RNF150: variants seen among roughly 807,000 people sequenced by gnomAD.
RNF150 encodes the protein ring finger protein 150.
Under a neutral mutation model 39.3 loss-of-function variants are expected in RNF150, and 24 were observed. That is an observed-to-expected ratio of 0.61 (90% confidence interval 0.44 to 0.86). The LOEUF (loss-of-function observed/expected upper bound fraction) is 0.86, where lower values mean the gene tolerates loss of function less well. Ranked by LOEUF, RNF150 falls within the 40% of genes least tolerant of loss-of-function variation. The pLI, the probability that RNF150 is intolerant of heterozygous loss-of-function variation, is 0.00. For missense variants in RNF150, 502 were observed against 587.8 expected (o/e 0.85, Z 1.51); for synonymous variants, 255 against 227.3 (o/e 1.12, Z -1.10).
chr4:141,062,109 G>A (rs1472422057), intron 1 of RNF150, among the ~76,000 whole-genome samples: 2 of 152,032 alleles, frequency 1.3e-5, no homozygotes, highest in East Asian at 3.8e-4. Context: ...TCATACTACA[G>A]CAGAGAAATA....
intron 1 of RNF150, among the ~76,000 whole-genome samples, chr4:141,189,474 C>T (rs746030812): frequency 6.6e-6 from 1 of 152,184 alleles, no homozygotes; most frequent in East Asian, 1.9e-4. Flanking sequence ...CAGGAATGTT[C>T]AAGTCTACTG....
intron 1 of RNF150, among the ~76,000 whole-genome samples, chr4:141,150,584 G>C (rs1243622741): frequency 2.0e-5 from 3 of 152,164 alleles, no homozygotes; most frequent in Admixed American, 6.5e-5. Context: ...ATCTCTCTTA[G>C]AGTAAAAGCC....
rs1728435048 is a variant in RNF150, at chr4:140,860,306, A to G, written c.*7955T>C. On this transcript the variant is annotated 3_prime_UTR_variant, in exon 7 of 7. Transcript: ENST00000515673. Reference sequence around the variant, plus strand: ...TCAATATGCACACAACTTTGTACAGAAGATTAGTTTTGGGTAAAAACGCTA... The same window carrying G: ...TCAATATGCACACAACTTTGTACAGGAGATTAGTTTTGGGTAAAAACGCTA... 6.6e-6 allele frequency: 1 copy of G among 152,222 alleles called. No homozygotes were observed. Among genetic ancestry groups the G allele is most frequent in the Non-Finnish European group, 1.5e-5 (1 of 68,042 alleles). 9.4% of individuals were successfully genotyped at this position (152,222 alleles called of 1,614,324 possible). A position where few individuals can be genotyped will look rare whatever the true frequency, so the allele number is the denominator to read the frequency against.
rs181727009 is a variant in RNF150, at chr4:141,108,547, T to A, written c.484+23778A>T. On this transcript the variant is annotated intron_variant, in intron 1 of 6. Transcript: ENST00000515673. ...ATTTCATTACTTCTAAGATGATTTT[T>A]AAAAAAAACATTTTAACATCTCTGA... 2.3e-3 allele frequency among the ~76,000 whole-genome samples: 355 copies of A among 152,108 alleles called. 7 individuals carry two copies. Among genetic ancestry groups the A allele is most frequent in the Admixed American group, 0.021 (323 of 15,244 alleles).
At chr4:141,174,066 A>G (rs1316863141) in intron 1 of RNF150, among the ~76,000 whole-genome samples, 3 of 152,216 alleles carry the variant, frequency 2.0e-5, no homozygotes, top group Non-Finnish European at 2.9e-5. Flanking sequence ...AGTTGACTTC[A>G]GTAGTCATTT....
At chr4:140,973,051 TTA>T (rs1055641736) in intron 1 of RNF150, among the ~76,000 whole-genome samples, 4 of 152,114 alleles carry the variant, frequency 2.6e-5, no homozygotes, top group Non-Finnish European at 5.9e-5. Flanking sequence ...GACAAGATAA[TTA>T]TGTTATTAAA....
At chr4:140,960,957 C>G (rs1448919128) in intron 2 of RNF150, among the ~76,000 whole-genome samples, 3 of 152,104 alleles carry the variant, frequency 2.0e-5, no homozygotes, top group Non-Finnish European at 4.4e-5. Context: ...ACGGGGCTGG[C>G]TTTACATGTG....
intron 1 of RNF150, among the ~76,000 whole-genome samples, chr4:141,154,618 C>A (rs1727353212): frequency 6.6e-6 from 1 of 152,282 alleles, no homozygotes; most frequent in African/African-American, 2.4e-5. Context: ...ATAGAATATG[C>A]CCCTGTGCAA....
At chr4:140,958,588 G>C (rs991728108) in intron 2 of RNF150, among the ~76,000 whole-genome samples, 3 of 152,054 alleles carry the variant, frequency 2.0e-5, no homozygotes, top group South Asian at 4.1e-4. Flanking sequence ...TGTAATTCTA[G>C]GATCAGGCAA....
chr4:140,931,833 A>G (rs1006715181), intron 4 of RNF150, among the ~76,000 whole-genome samples: 9 of 152,266 alleles, frequency 5.9e-5, no homozygotes, highest in African/African-American at 1.9e-4. Flanking sequence ...ATGATGAATA[A>G]TAAGTTCTCA....
chr4:140,981,625 AC>A (rs1733862950), intron 1 of RNF150, among the ~76,000 whole-genome samples: 1 of 152,214 alleles, frequency 6.6e-6, no homozygotes, highest in African/African-American at 2.4e-5. Flanking sequence ...GTTTGGGGTA[AC>A]TAAGCAGCAC....
chr4:140,926,198 TC>T, intron 4 of RNF150, 125 bp from the exon 5 acceptor site: 1 of 665,424 alleles, frequency 1.5e-6, no homozygotes, highest in Non-Finnish European at 2.7e-6. Context: ...CAAACCTCCA[TC>T]CCTAACTTGT....
chr4:140,987,053 C>A (rs1043332432), intron 1 of RNF150, among the ~76,000 whole-genome samples: 7 of 151,858 alleles, frequency 4.6e-5, no homozygotes, highest in Admixed American at 1.3e-4. Flanking sequence ...TCTAAGGATA[C>A]ATCTGATAAA....
chr4:141,097,366 A>C (rs1274409060), intron 1 of RNF150, among the ~76,000 whole-genome samples: 2 of 152,212 alleles, frequency 1.3e-5, no homozygotes, highest in Admixed American at 1.3e-4. Context: ...AACTTTGCTT[A>C]TATTTTCTTC....
rs571262764 is a variant in RNF150 at position 141,176,273 on chromosome 4, C to T, written c.-6+36521G>A. ...TATGGTATCATCTAATTCTAATTCC[C>T]TTCCAAAGGCCCAACCTCTTACTAC... On this transcript the variant is annotated intron_variant, in intron 1 of 7. Transcript: ENST00000420921. Among the ~76,000 whole-genome samples, 19 of 152,236 alleles carry T rather than the reference C, an allele frequency of 1.2e-4. No homozygotes were observed. In the East Asian group the frequency reaches 3.7e-3, roughly 29 times the overall value.
intron 5 of RNF150, among the ~76,000 whole-genome samples, chr4:140,915,654 C>T (rs1395021121): frequency 6.6e-6 from 1 of 152,164 alleles, no homozygotes; most frequent in Non-Finnish European, 1.5e-5. Flanking sequence ...AAATCTTCAG[C>T]AAATCCGCTT....
intron 1 of RNF150, among the ~76,000 whole-genome samples, chr4:141,044,060 T>C (rs1736468400): frequency 6.6e-6 from 1 of 152,212 alleles, no homozygotes; most frequent in African/African-American, 2.4e-5. Context: ...TCTATCAAAA[T>C]GTCCTTTTCT....
chr4:140,878,561 G>C (rs1399104334), intron 6 of RNF150, among the ~76,000 whole-genome samples: 1 of 152,052 alleles, frequency 6.6e-6, no homozygotes, highest in Non-Finnish European at 1.5e-5. Context: ...TTCTTCTTAG[G>C]AAAATTATCT....
intron 4 of RNF150, among the ~76,000 whole-genome samples, chr4:140,931,202 T>C (rs1428213614): frequency 6.6e-6 from 1 of 152,180 alleles, no homozygotes; most frequent in East Asian, 1.9e-4. Flanking sequence ...TTACATCTTA[T>C]TTTAAAGATA....
Sources: allele counts gnomAD v4.1 joint callset (sites outside exome capture counted in the v4.1 genomes callset), GRCh38; gene constraint gnomAD v4.1.1; transcripts MANE v1.5; gene names NCBI Gene and HGNC (gene_info 2026-07-23, HGNC 2026-07-21).